The following WWOX variants were observed in gnomAD, a reference collection of about 807,000 sequenced individuals.
The protein encoded by WWOX is WW domain containing oxidoreductase.
A neutral mutation model predicts 46.2 loss-of-function variants in WWOX; 69 were observed. The ratio of observed to expected loss-of-function variants is 1.49; its 90% confidence interval spans 1.23 to 1.82. The LOEUF is 1.82. Ranked by LOEUF, WWOX falls within the 40% of genes most tolerant of loss-of-function variation. The pLI, the probability that WWOX is intolerant of heterozygous loss-of-function variation, is 0.00. For synonymous variants in WWOX, 359 were observed against 202.6 expected (o/e 1.77, Z -6.56); for missense variants, 919 against 542.6 (o/e 1.69, Z -6.89).
intron 8 of WWOX, among the ~76,000 whole-genome samples, chr16:78,556,733 C>T (rs1177081697): frequency 2.0e-5 from 3 of 151,812 alleles, no homozygotes; most frequent in East Asian, 1.9e-4. Flanking sequence ...TTTTATTTTT[C>T]GAGATGGACT....
intron 8 of WWOX, among the ~76,000 whole-genome samples, chr16:78,578,258 A>ATATATATATATATATT (rs1448422852): frequency 1.3e-4 from 3 of 23,310 alleles, no homozygotes; most frequent in African/African-American, 3.8e-4. Context: ...CAAATTTTAT[A>ATATATATATATATATT]TATATATATA....
chr16:79,035,060 T>TTTGTTTC (rs2047839225), intron 8 of WWOX, among the ~76,000 whole-genome samples: 1 of 152,228 alleles, frequency 6.6e-6, no homozygotes, highest in African/African-American at 2.4e-5. Context: ...TTCAACATTG[T>TTTGTTTC]ACTCTAATAT....
intron 1 of WWOX, among the ~76,000 whole-genome samples, chr16:78,103,905 C>T (rs1053516399): frequency 2.0e-5 from 3 of 152,048 alleles, no homozygotes; most frequent in East Asian, 3.9e-4. Context: ...CACTTGTGTG[C>T]CTCAAAGGCA....
At chr16:78,180,010 A>G (rs2035477875) in intron 5 of WWOX, among the ~76,000 whole-genome samples, 1 of 152,262 alleles carries the variant, frequency 6.6e-6, no homozygotes, top group Admixed American at 6.5e-5. Flanking sequence ...GCAGACCAGC[A>G]GAAGTTGCAA....
intron 8 of WWOX, among the ~76,000 whole-genome samples, chr16:78,758,618 T>C (rs1303058333): frequency 1.3e-5 from 2 of 152,164 alleles, no homozygotes; most frequent in Non-Finnish European, 2.9e-5. Flanking sequence ...TCTTTTTAGC[T>C]TGTCCTTCCC....
intron 8 of WWOX, among the ~76,000 whole-genome samples, chr16:78,900,500 C>T (rs1315450154): frequency 6.6e-6 from 1 of 152,144 alleles, no homozygotes; most frequent in Non-Finnish European, 1.5e-5. Flanking sequence ...TTTCAAGAAA[C>T]CCACAGAGGT....
chr16:78,464,689 C>A (rs763322814), intron 8 of WWOX, among the ~76,000 whole-genome samples: 1 of 152,150 alleles, frequency 6.6e-6, no homozygotes, highest in African/African-American at 2.4e-5. Context: ...ACGTTGCCCC[C>A]ACCCGTGCAG....
At chr16:79,071,182 A>G (rs777296016) in intron 8 of WWOX, among the ~76,000 whole-genome samples, 1 of 152,202 alleles carries the variant, frequency 6.6e-6, no homozygotes, top group African/African-American at 2.4e-5. Context: ...CTTCTGATGA[A>G]CACAGTTAAG....
At chr16:78,791,653 G>A (rs188413154) in intron 8 of WWOX, among the ~76,000 whole-genome samples, 44 of 152,196 alleles carry the variant, frequency 2.9e-4, no homozygotes, top group African/African-American at 1.1e-3. Flanking sequence ...TGAGATGGGT[G>A]GATCACCTGA....
At chr16:78,506,764 C>T (rs148766767) in intron 8 of WWOX, among the ~76,000 whole-genome samples, 8 of 140,420 alleles carry the variant, frequency 5.7e-5, no homozygotes, top group South Asian at 2.3e-4. Flanking sequence ...GGCTGTAGTG[C>T]AGTGGAACAA....
intron 8 of WWOX, among the ~76,000 whole-genome samples, chr16:78,972,113 T>A (rs148675659): frequency 6.6e-6 from 1 of 152,292 alleles, no homozygotes; most frequent in Non-Finnish European, 1.5e-5. Context: ...AAGAGCAGGC[T>A]GTCGTCCTGC....
chr16:78,491,692 G>A (rs2084789130), intron 8 of WWOX, among the ~76,000 whole-genome samples: 1 of 152,152 alleles, frequency 6.6e-6, no homozygotes, highest in African/African-American at 2.4e-5. Context: ...AGTGATTACA[G>A]AATCCCATCA....
chr16:78,119,347 T>C (rs1226843585), intron 4 of WWOX, among the ~76,000 whole-genome samples: 1 of 152,220 alleles, frequency 6.6e-6, no homozygotes, highest in Non-Finnish European at 1.5e-5. Context: ...GCTTCGTTTT[T>C]AGACACAGCC....
chr16:78,713,434 A>G (rs1282583881), intron 8 of WWOX, among the ~76,000 whole-genome samples: 1 of 152,094 alleles, frequency 6.6e-6, no homozygotes, highest in Non-Finnish European at 1.5e-5. Context: ...GAGCTGAATT[A>G]TGTGTCCCCA....
At chr16:78,215,049 G>A (rs962983980) in intron 5 of WWOX, among the ~76,000 whole-genome samples, 24 of 152,272 alleles carry the variant, frequency 1.6e-4, no homozygotes, top group East Asian at 3.9e-4. Flanking sequence ...GAGACATGGC[G>A]GGGTTTGGTA....
At chr16:78,936,016 C>T (rs1208590286) in intron 8 of WWOX, among the ~76,000 whole-genome samples, 1 of 152,024 alleles carries the variant, frequency 6.6e-6, no homozygotes, top group Non-Finnish European at 1.5e-5. Flanking sequence ...GAAGTTCTGC[C>T]AACACAGTGG....
chr16:78,393,649 C>T (rs1047612946), intron 6 of WWOX, among the ~76,000 whole-genome samples: 3 of 152,040 alleles, frequency 2.0e-5, no homozygotes, highest in Non-Finnish European at 4.4e-5. Flanking sequence ...ATAATACTGA[C>T]CAAGGGTTTT....
chr16:78,309,783 G>C (rs1435888979), intron 5 of WWOX, among the ~76,000 whole-genome samples: 1 of 152,194 alleles, frequency 6.6e-6, no homozygotes, highest in Non-Finnish European at 1.5e-5. Context: ...TGGGAGATGT[G>C]CACCCAGCAG....
rs74715149 is a variant in WWOX, at chr16:79,113,135, G to A, written c.1057-98473G>A. Among the ~76,000 whole-genome samples, 1,184 of 152,328 alleles carry A rather than the reference G, an allele frequency of 7.8e-3. 12 individuals carry two copies. The highest frequency in any genetic ancestry group is 0.026 in the African/African-American group (1,101 of 41,562). ...AAAACATATGTGTGTGTAATTACACGTTGTGATAAGGGTTTTGTGGGGAAT... is the reference window on the plus strand; with the variant it reads ...AAAACATATGTGTGTGTAATTACACATTGTGATAAGGGTTTTGTGGGGAAT... On this transcript the variant is annotated intron_variant, in intron 8 of 8. Coordinates refer to ENST00000566780, the MANE Select transcript of WWOX (RefSeq NM_016373.4).
Sources: gnomAD v4.1 joint callset for allele counts (sites outside exome capture counted in the v4.1 genomes callset) on GRCh38, gnomAD v4.1.1 for gene constraint, MANE v1.5 for transcripts, NCBI Gene and HGNC (gene_info 2026-07-23, HGNC 2026-07-21) for gene names.